The following TSLP variants were observed in gnomAD, a reference collection of about 807,000 sequenced individuals.
TSLP encodes thymic stroma-derived lymphopoietin.
A neutral mutation model predicts 12.4 loss-of-function variants in TSLP; 12 were observed. The observed-to-expected ratio is 0.97, with a 90% CI of 0.62 to 1.57. The LOEUF (loss-of-function observed/expected upper bound fraction) is 1.57. Among genes scored for constraint, TSLP ranks in the 40% most tolerant of loss-of-function variants. TSLP has a pLI of 0.00. For synonymous variants in TSLP, 97 were observed against 69.5 expected (o/e 1.40, Z -1.97); for missense variants, 222 against 189.6 (o/e 1.17, Z -1.00).
At chr5:111,071,273 C>A, upstream of TSLP, 2 of 562,234 alleles carry the variant, frequency 3.6e-6, no homozygotes, top group Non-Finnish European at 5.8e-6. Context: ...CAGTTTCTTA[C>A]TAGCCAAGGA....
chr5:111,071,765 T>C lies in TSLP; in HGVS notation c.-126T>C. 4 of 1,305,348 alleles carry C rather than the reference T, an allele frequency of 3.1e-6. No homozygotes were observed. The highest frequency in any genetic ancestry group is 4.3e-6 in the Non-Finnish European group (4 of 940,314). The allele number at this position is 1,305,348 out of a possible 1,614,324, so 80.9% of individuals were successfully genotyped here. On this transcript the variant is annotated 5_prime_UTR_variant, in exon 1 of 4. Transcript: ENST00000344895. ...AGCATGGGTGAATAAGGGCTTCCTG[T>C]GGACTGGCAATGAGAGGCAAAACCT... is the stretch of plus-strand genomic sequence containing the variant.
Position 111,073,577 on chromosome 5 carries a change from A to G in TSLP, c.283A>G (p.Lys95Glu), listed in dbSNP as rs933358809. ...NPTAGCASLA[K>E]EMFAMKTKAA... ...CACCGCCGGCTGCGCGTCGCTCGCCAAAGAAATGTTCGCCATGAAAACTAA... is the reference window on the plus strand; with the variant it reads ...CACCGCCGGCTGCGCGTCGCTCGCCGAAGAAATGTTCGCCATGAAAACTAA... The change falls in exon 3 of 4, where the codon AAA becomes GAA. Residue 95 changes from lysine (K) to glutamate (E), a missense_variant. Lys to Glu is a moderately conservative substitution (Grantham distance 56). Transcript: ENST00000344895. The G allele has an allele frequency of 5.0e-6, 8 of 1,614,110 alleles. No individual in the cohort carries two copies. Among genetic ancestry groups the G allele is most frequent in the African/African-American group, 2.7e-5 (2 of 74,926 alleles).
At chr5:111,073,043 G>C in intron 2 of TSLP, 111 bp downstream of exon 2, 3 of 1,320,430 alleles carry the variant, frequency 2.3e-6, no homozygotes, top group Non-Finnish European at 3.2e-6. Context: ...GCTCCGGGAC[G>C]CCGCCGCCGG....
intron 2 of TSLP, 102 bp from the exon 3 acceptor site, chr5:111,073,409 C>A (rs539536848): frequency 3.8e-6 from 6 of 1,567,856 alleles, no homozygotes; most frequent in South Asian, 1.2e-5. Flanking sequence ...GTTCCCCGCT[C>A]CTCCCTGACC....
chr5:111,076,140 A>G lies in TSLP; in HGVS notation c.*66A>G. 6.5e-7 allele frequency: 1 copy of G among 1,549,982 alleles called. No homozygotes were observed. Among genetic ancestry groups the G allele is most frequent in the Non-Finnish European group, 8.9e-7 (1 of 1,129,480 alleles). Reference sequence around the variant, plus strand: ...ATCATCTTTATTAAGTAGATGAAACATTAACTCTAACTGTGACAAAGAAGA... The same window carrying G: ...ATCATCTTTATTAAGTAGATGAAACGTTAACTCTAACTGTGACAAAGAAGA... On this transcript the variant is annotated 3_prime_UTR_variant, in exon 4 of 4. Transcript: ENST00000344895.
chr5:111,071,212 G>A (rs930802716), upstream of TSLP: 32 of 401,352 alleles, frequency 8.0e-5, no homozygotes, highest in African/African-American at 1.6e-4. Flanking sequence ...TGGAAGTGCT[G>A]TCGAAGACTG....
intron 2 of TSLP, chr5:111,073,189 G>A: frequency 1.0e-6 from 1 of 1,001,350 alleles, no homozygotes; most frequent in African/African-American, 1.6e-5. Flanking sequence ...ACGTTGTTAG[G>A]GGCACCACCT....
chr5:111,071,210 C>T (rs1375538391), upstream of TSLP: 3 of 389,332 alleles, frequency 7.7e-6, no homozygotes, highest in South Asian at 9.2e-5. Flanking sequence ...CATGGAAGTG[C>T]TGTCGAAGAC....
intron 3 of TSLP, among the ~76,000 whole-genome samples, chr5:111,074,248 T>A (rs775455514): frequency 1.3e-5 from 2 of 152,178 alleles, no homozygotes; most frequent in African/African-American, 4.8e-5. Flanking sequence ...GGAGATAGTG[T>A]AGTGGAAAGT....
chr5:111,073,170 G>C, intron 2 of TSLP: 1 of 912,514 alleles, frequency 1.1e-6, no homozygotes, highest in Admixed American at 3.1e-5. Context: ...TGGGAACTGG[G>C]ACGAGGGAAC....
upstream of TSLP, chr5:111,071,504 C>A (rs1473796600): frequency 2.6e-6 from 4 of 1,545,368 alleles, no homozygotes; most frequent in South Asian, 3.6e-5. Context: ...TAGGGCAAAG[C>A]AAAAAGGAGG....
chr5:111,073,062 G>GGACA lies in TSLP; in HGVS notation c.216+131_216+134dup. The GGACA allele has an allele frequency of 1.9e-5, 21 of 1,119,066 alleles. No individual in the cohort carries two copies. In the South Asian group the frequency reaches 2.9e-4, roughly 15 times the overall value. 69.3% of individuals were successfully genotyped at this position (1,119,066 alleles called of 1,614,324 possible). A position where few individuals can be genotyped will look rare whatever the true frequency, so the allele number is the denominator to read the frequency against. On this transcript the variant is annotated intron_variant, in intron 2 of 3. Coordinates refer to ENST00000344895, the MANE Select transcript of TSLP (RefSeq NM_033035.5). ...CGGGACGCCGCCGCCGGGGGAAAGG[G>GGACA]GACATCTGGGCTGTCAGAGCGGGGC...
upstream of TSLP, chr5:111,070,223 T>G (rs2112539774): frequency 6.5e-6 from 1 of 152,700 alleles, no homozygotes; most frequent in South Asian, 2.1e-4. Flanking sequence ...AGAGTTCAAC[T>G]CTGGCTCCAG....
chr5:111,075,414 G>A (rs1291560489), intron 3 of TSLP, among the ~76,000 whole-genome samples: 1 of 152,136 alleles, frequency 6.6e-6, no homozygotes, highest in Admixed American at 6.5e-5. Flanking sequence ...GGGAGCAGGA[G>A]CATGCATTTT....
upstream of TSLP, chr5:111,071,220 C>A (rs1752330299): frequency 4.8e-6 from 2 of 415,508 alleles, no homozygotes; most frequent in Non-Finnish European, 8.5e-6. Context: ...CTGTCGAAGA[C>A]TGAGACTGCA....
chr5:111,075,316 TA>T (rs1262405433), intron 3 of TSLP, among the ~76,000 whole-genome samples: 1 of 152,120 alleles, frequency 6.6e-6, no homozygotes, highest in African/African-American at 2.4e-5. Flanking sequence ...GTAATTCAGA[TA>T]AAGGTATATA....
upstream of TSLP, chr5:111,071,310 C>G (rs1752332146): frequency 2.3e-5 from 18 of 793,466 alleles, no homozygotes; most frequent in Non-Finnish European, 3.7e-6. Flanking sequence ...TTGAAAGTGG[C>G]CACAGGAAAT....
At chr5:111,071,416 G>T, upstream of TSLP, 2 of 1,502,562 alleles carry the variant, frequency 1.3e-6, no homozygotes, top group African/African-American at 1.4e-5. Context: ...AAATAGAAAG[G>T]ATTGGTCACG....
chr5:111,071,177 C>T (rs537579568), upstream of TSLP: 20 of 334,396 alleles, frequency 6.0e-5, no homozygotes, highest in South Asian at 2.3e-3. Context: ...GTTCTGGTCA[C>T]GGTTGCACAT....
Sources: allele counts gnomAD v4.1 joint callset (sites outside exome capture counted in the v4.1 genomes callset), GRCh38; gene constraint gnomAD v4.1.1; transcripts MANE v1.5; gene names NCBI Gene and HGNC (gene_info 2026-07-23, HGNC 2026-07-21).